The following PLA2G4E variants were observed in gnomAD, a reference collection of about 807,000 sequenced individuals.
The protein encoded by PLA2G4E is cytosolic phospholipase A2 epsilon.
PLA2G4E carries 84 observed loss-of-function variants against 109.1 expected under a neutral mutation model. The ratio of observed to expected loss-of-function variants is 0.77; its 90% confidence interval spans 0.65 to 0.92. The LOEUF is 0.92. Ranked by LOEUF, PLA2G4E falls within the 40% of genes least tolerant of loss-of-function variation. The pLI is 0.00. For synonymous variants in PLA2G4E, 469 were observed against 436.1 expected, an observed-to-expected ratio of 1.08 and a Z score of -0.94; for missense variants, 1,057 against 1,076.6, an observed-to-expected ratio of 0.98 and a Z score of 0.25.
intron 10 of PLA2G4E, 61 bp from the exon 11 acceptor site, chr15:41,997,320 GC>G (rs2068358889): frequency 2.1e-6 from 3 of 1,448,730 alleles, no homozygotes; most frequent in Non-Finnish European, 2.8e-6. Context: ...AGTAGACACA[GC>G]TTCAGGGTCC....
At chr15:42,003,576 G>A (rs906763476) in intron 5 of PLA2G4E, among the ~76,000 whole-genome samples, 1 of 152,244 alleles carries the variant, frequency 6.6e-6, no homozygotes, top group African/African-American at 2.4e-5. Context: ...GGAGGGGAGA[G>A]CTTCGATTTT....
At chr15:42,002,985 C>A (rs1267047802) in intron 5 of PLA2G4E, among the ~76,000 whole-genome samples, 7 of 152,130 alleles carry the variant, frequency 4.6e-5, no homozygotes, top group Non-Finnish European at 7.4e-5. Flanking sequence ...GATGCAAATG[C>A]ATGGGGTTAG....
At chr15:41,995,032 C>T (rs998529593) in intron 12 of PLA2G4E, among the ~76,000 whole-genome samples, 1 of 152,260 alleles carries the variant, frequency 6.6e-6, no homozygotes, top group Non-Finnish European at 1.5e-5. Context: ...GGTCATGTTC[C>T]TGGGTCCATA....
At chr15:42,011,831 G>A (rs1057250044) in intron 2 of PLA2G4E, among the ~76,000 whole-genome samples, 2 of 152,196 alleles carry the variant, frequency 1.3e-5, no homozygotes, top group Admixed American at 6.5e-5. Context: ...CAAGGATGAG[G>A]GTGAACTCTG....
intron 13 of PLA2G4E, among the ~76,000 whole-genome samples, chr15:41,992,100 C>A (rs2068258874): frequency 6.6e-6 from 1 of 152,170 alleles, no homozygotes; most frequent in Non-Finnish European, 1.5e-5. Context: ...TAGGAAGGAA[C>A]CTCATTGGGC....
intron 1 of PLA2G4E, among the ~76,000 whole-genome samples, chr15:42,025,439 G>C (rs2068685518): frequency 6.6e-6 from 1 of 152,090 alleles, no homozygotes; most frequent in South Asian, 2.1e-4. Flanking sequence ...CTGGGAGGGA[G>C]AGTTGTGTGT....
intron 1 of PLA2G4E, among the ~76,000 whole-genome samples, chr15:42,040,835 G>A (rs1219058254): frequency 2.0e-5 from 3 of 152,130 alleles, no homozygotes; most frequent in Admixed American, 6.5e-5. Flanking sequence ...TAATTGGTAT[G>A]GTGTATAACT....
rs78774738 is a variant in PLA2G4E at position 42,040,520 on chromosome 15, A to G, written c.183+10001T>C. 7.0e-4 allele frequency among the ~76,000 whole-genome samples: 107 copies of G among 152,370 alleles called. 1 individual carries two copies. The East Asian group carries it at 0.012, about 17-fold the overall frequency. On this transcript the variant is annotated intron_variant, in intron 1 of 19. Coordinates refer to ENST00000399518, the Ensembl canonical transcript of PLA2G4E. ...AGATGCAATAAAGGAAAATGAATGG[A>G]TAATTCTGACTGTACAGTTTTCAGA... is the stretch of plus-strand genomic sequence containing the variant.
intron 10 of PLA2G4E, chr15:41,997,910 A>C (rs1297481125): frequency 6.7e-6 from 1 of 148,958 alleles, no homozygotes; most frequent in Non-Finnish European, 1.5e-5. Flanking sequence ...TTTTTTTTTT[A>C]ATCACATCCC....
intron 1 of PLA2G4E, among the ~76,000 whole-genome samples, chr15:42,041,381 T>C (rs1020632213): frequency 2.6e-5 from 4 of 152,216 alleles, no homozygotes; most frequent in Non-Finnish European, 4.4e-5. Flanking sequence ...CACCCACCGA[T>C]GTATCCATGG....
chr15:42,040,686 TA>T (rs1331930133), intron 1 of PLA2G4E, among the ~76,000 whole-genome samples: 7 of 152,202 alleles, frequency 4.6e-5, no homozygotes, highest in Non-Finnish European at 2.9e-5. Flanking sequence ...GCAAACAACA[TA>T]AAAACTGACA....
chr15:42,010,548 C>T (rs1270111818), intron 2 of PLA2G4E, among the ~76,000 whole-genome samples: 2 of 152,186 alleles, frequency 1.3e-5, no homozygotes, highest in Admixed American at 6.5e-5. Flanking sequence ...ATGGGGATTT[C>T]CTAGGCACAG....
chr15:41,985,957 TG>T lies in PLA2G4E; in HGVS notation c.2083del (p.His695ThrfsTer42). On this transcript the variant is annotated frameshift_variant, in exon 18 of 20. Transcript: ENST00000399518. LOFTEE classifies it high-confidence loss of function. The stretch of plus-strand genomic sequence containing the variant: ...GAACGCAGTGTCCAGCAGGCACAGG[TG>T]GTTCGCGGACTCGGTCAGCTGGTTT... 1 of 1,604,716 alleles carries T rather than the reference TG, an allele frequency of 6.2e-7. No individual in the cohort carries two copies. Among genetic ancestry groups the T allele is most frequent in the Non-Finnish European group, 8.5e-7 (1 of 1,175,532 alleles).
intron 1 of PLA2G4E, among the ~76,000 whole-genome samples, chr15:42,032,920 C>T (rs1478156476): frequency 6.6e-6 from 1 of 152,068 alleles, no homozygotes; most frequent in East Asian, 1.9e-4. Flanking sequence ...TTGGCAGGAT[C>T]CAGGGCAGGG....
chr15:41,991,732 T>C (rs2068251987), intron 13 of PLA2G4E, among the ~76,000 whole-genome samples: 1 of 152,146 alleles, frequency 6.6e-6, no homozygotes. Context: ...CCTACTATTA[T>C]AAAAAATAAT....
chr15:41,988,110 G>A lies in PLA2G4E; in HGVS notation c.1770C>T (p.Asn590=), dbSNP rs374023742. The A allele has an allele frequency of 3.5e-4, 568 of 1,607,662 alleles. 1 individual carries two copies. The South Asian group carries it at 3.9e-3, about 11-fold the overall frequency. ...AAAACTCCTCCGAGGTGTGTGACAGGTTCCAGGCATCCAGCAGGTTCAGGG... is the reference window on the plus strand; with the variant it reads ...AAAACTCCTCCGAGGTGTGTGACAGATTCCAGGCATCCAGCAGGTTCAGGG... The change falls in exon 16 of 20, where the codon AAC becomes AAT. Residue 590 remains asparagine, a synonymous_variant. Coordinates refer to ENST00000399518, the Ensembl canonical transcript of PLA2G4E.
At chr15:42,018,851 A>G (rs2068621400) in intron 1 of PLA2G4E, among the ~76,000 whole-genome samples, 2 of 152,170 alleles carry the variant, frequency 1.3e-5, no homozygotes, top group Non-Finnish European at 2.9e-5. Flanking sequence ...AGGATTGGCT[A>G]TGATGCAATC....
intron 1 of PLA2G4E, among the ~76,000 whole-genome samples, chr15:42,035,343 C>T (rs1441784409): frequency 6.6e-6 from 1 of 152,226 alleles, no homozygotes; most frequent in Non-Finnish European, 1.5e-5. Context: ...CTCTCCCCAT[C>T]CTGGGAGGAG....
chr15:41,981,694 C>T (rs983812484), exon 20 of PLA2G4E: 5 of 152,240 alleles, frequency 3.3e-5, no homozygotes, highest in Non-Finnish European at 7.3e-5. Flanking sequence ...TTACGATAAA[C>T]AAGTCCTGTC....
Sources: gnomAD v4.1 joint callset for allele counts (sites outside exome capture counted in the v4.1 genomes callset) on GRCh38, gnomAD v4.1.1 for gene constraint, MANE v1.5 for transcripts, NCBI Gene and HGNC (gene_info 2026-07-23, HGNC 2026-07-21) for gene names.